Variants in EPHA5 observed in about 807,000 individuals in gnomAD.
The protein encoded by EPHA5 is ephrin type-A receptor 5.
In EPHA5, 60 loss-of-function variants were observed where a neutral mutation model predicts 105.0. That is an observed-to-expected ratio of 0.57 (90% CI 0.46 to 0.71). EPHA5 has a LOEUF of 0.71. Among genes scored for constraint, EPHA5 ranks in the 30% least tolerant of loss-of-function variants. The pLI, the probability that EPHA5 is intolerant of heterozygous loss-of-function variation, is 0.00. For synonymous variants in EPHA5, 513 were observed against 449.1 expected, an observed-to-expected ratio of 1.14 and a Z score of -1.80; for missense variants, 1,218 against 1,274.7, an observed-to-expected ratio of 0.96 and a Z score of 0.68.
At chr4:65,424,636 C>T (rs1025866219) in intron 5 of EPHA5, among the ~76,000 whole-genome samples, 3 of 151,920 alleles carry the variant, frequency 2.0e-5, no homozygotes, top group Admixed American at 6.6e-5. Context: ...CTGTTTTATC[C>T]TTTATCAGTC....
At chr4:65,656,028 G>A (rs1749023067) in intron 1 of EPHA5, among the ~76,000 whole-genome samples, 1 of 150,576 alleles carries the variant, frequency 6.6e-6, no homozygotes, top group South Asian at 2.1e-4. Context: ...GGAGGGAAAA[G>A]GGAGACAAGA....
intron 5 of EPHA5, among the ~76,000 whole-genome samples, chr4:65,449,291 C>G (rs1471490465): frequency 6.6e-6 from 1 of 152,066 alleles, no homozygotes; most frequent in East Asian, 1.9e-4. Flanking sequence ...ATACATTTAG[C>G]ACCTTAAATT....
chr4:65,418,383 A>G (rs896353552), intron 6 of EPHA5, among the ~76,000 whole-genome samples: 5 of 152,174 alleles, frequency 3.3e-5, no homozygotes, highest in African/African-American at 1.2e-4. Context: ...TAGTAATCTC[A>G]CGGGAACAGT....
At chr4:65,637,244 T>A (rs1747209107) in intron 2 of EPHA5, among the ~76,000 whole-genome samples, 1 of 134,108 alleles carries the variant, frequency 7.5e-6, no homozygotes, top group Non-Finnish European at 1.6e-5. Flanking sequence ...TTTTTTTCAG[T>A]TAGGTCCCTC....
chr4:65,504,505 A>G (rs758758283), intron 3 of EPHA5, among the ~76,000 whole-genome samples: 1 of 151,890 alleles, frequency 6.6e-6, no homozygotes, highest in African/African-American at 2.4e-5. Context: ...CTCCTAAGAT[A>G]AAATAGTTAA....
chr4:65,485,346 C>T (rs921356576), intron 5 of EPHA5, among the ~76,000 whole-genome samples: 23 of 151,896 alleles, frequency 1.5e-4, no homozygotes, highest in Non-Finnish European at 2.9e-4. Flanking sequence ...TCCCCTTTTA[C>T]ATTTGCTTAT....
chr4:65,416,737 G>A (rs1213254955), intron 6 of EPHA5, among the ~76,000 whole-genome samples: 3 of 152,100 alleles, frequency 2.0e-5, no homozygotes, highest in East Asian at 1.9e-4. Context: ...GAGTTTAATT[G>A]TACATTGGCT....
At chr4:65,633,321 G>T (rs1049667754) in intron 2 of EPHA5, among the ~76,000 whole-genome samples, 5 of 151,764 alleles carry the variant, frequency 3.3e-5, no homozygotes, top group Admixed American at 1.3e-4. Context: ...AAATTGACTT[G>T]CATGGGAGCA....
At chr4:65,352,830 G>C (rs376504990) in intron 12 of EPHA5, among the ~76,000 whole-genome samples, 26 of 149,852 alleles carry the variant, frequency 1.7e-4, no homozygotes, top group African/African-American at 6.1e-4. Context: ...AAACTTTAGG[G>C]GCATATAATT....
At chr4:65,637,569 C>T (rs866277978) in intron 2 of EPHA5, among the ~76,000 whole-genome samples, 25 of 112,428 alleles carry the variant, frequency 2.2e-4, no homozygotes, top group Non-Finnish European at 2.6e-4. Flanking sequence ...ATGAGTTTTG[C>T]ATATATATAT....
intron 11 of EPHA5, among the ~76,000 whole-genome samples, chr4:65,353,354 G>A (rs1183686123): frequency 1.4e-5 from 2 of 147,284 alleles, no homozygotes; most frequent in African/African-American, 2.5e-5. Flanking sequence ...ATTTTTTAAA[G>A]TATTTTAAAA....
At chr4:65,462,450 T>TG (rs368651950) in intron 5 of EPHA5, among the ~76,000 whole-genome samples, 5 of 152,140 alleles carry the variant, frequency 3.3e-5, no homozygotes, top group Admixed American at 6.6e-5. Context: ...TAAACATTGA[T>TG]GGGGGGGTCT....
intron 5 of EPHA5, among the ~76,000 whole-genome samples, chr4:65,485,202 T>C (rs1730767014): frequency 6.6e-6 from 1 of 152,150 alleles, no homozygotes; most frequent in East Asian, 1.9e-4. Flanking sequence ...TATTTATATT[T>C]TATTCCCTTT....
chr4:65,447,198 C>T (rs1052042399), intron 5 of EPHA5, among the ~76,000 whole-genome samples: 8 of 150,740 alleles, frequency 5.3e-5, no homozygotes, highest in Non-Finnish European at 5.9e-5. Flanking sequence ...CAATGGATTG[C>T]GGGTTGGGGG....
At chr4:65,522,187 G>T (rs1734797888) in intron 3 of EPHA5, among the ~76,000 whole-genome samples, 1 of 151,652 alleles carries the variant, frequency 6.6e-6, no homozygotes, top group Non-Finnish European at 1.5e-5. Context: ...GAGGCTTTGG[G>T]TCTTTTGTGT....
At chr4:65,483,346 C>A (rs1196798067) in intron 5 of EPHA5, among the ~76,000 whole-genome samples, 1 of 152,154 alleles carries the variant, frequency 6.6e-6, no homozygotes, top group Non-Finnish European at 1.5e-5. Context: ...TTTATAGCAG[C>A]ATGACTTACA....
intron 5 of EPHA5, among the ~76,000 whole-genome samples, chr4:65,444,595 C>G (rs1015556686): frequency 6.6e-6 from 1 of 152,162 alleles, no homozygotes; most frequent in African/African-American, 2.4e-5. Context: ...TTAACATCCA[C>G]AGCCAGTGTA....
At chr4:65,394,265 C>T (rs1442258212) in intron 8 of EPHA5, among the ~76,000 whole-genome samples, 1 of 152,056 alleles carries the variant, frequency 6.6e-6, no homozygotes, top group Non-Finnish European at 1.5e-5. Flanking sequence ...AATGTAAATT[C>T]CATTATTTTT....
At chr4:65,514,002 T>C (rs4467633) in intron 3 of EPHA5, among the ~76,000 whole-genome samples, 114,640 of 152,012 alleles carry the variant, frequency 0.75, 43,383 homozygotes, top group East Asian at 0.87. Context: ...TATCAGTAAA[T>C]TCTTCTTTAT....
Sources: gnomAD v4.1 joint callset for allele counts (sites outside exome capture counted in the v4.1 genomes callset) on GRCh38, gnomAD v4.1.1 for gene constraint, MANE v1.5 for transcripts, NCBI Gene and HGNC (gene_info 2026-07-23, HGNC 2026-07-21) for gene names.